Variants in RANBP2 observed in about 807,000 individuals in gnomAD.
The protein encoded by RANBP2 is RAN binding protein 2.
RANBP2 carries 57 observed loss-of-function variants against 303.6 expected under a neutral mutation model. The ratio of observed to expected loss-of-function variants is 0.19; its 90% CI spans 0.15 to 0.23. RANBP2 has a LOEUF of 0.23. Among genes scored for constraint, RANBP2 ranks in the 10% least tolerant of loss-of-function variants. The pLI is 1.00. For missense variants in RANBP2, 3,138 were observed against 3,780.8 expected, an observed-to-expected ratio of 0.83 and a Z score of 4.46; for synonymous variants, 1,167 against 1,301.5, an observed-to-expected ratio of 0.90 and a Z score of 2.23.
chr2:109,523,498 C>G, the RANBP2 span, among the ~76,000 whole-genome samples: 1 of 152,152 alleles, frequency 6.6e-6, no homozygotes, highest in African/African-American at 2.4e-5. Flanking sequence ...CAAGATGTGC[C>G]GTGATACACA....
At chr2:109,025,577 G>A in the RANBP2 span, among the ~76,000 whole-genome samples, 1 of 152,182 alleles carries the variant, frequency 6.6e-6, no homozygotes, top group Non-Finnish European at 1.5e-5. Flanking sequence ...GGAGGCTGAG[G>A]CTGGCAGATC....
chr2:109,010,630 C>T, the RANBP2 span, among the ~76,000 whole-genome samples: 126 of 152,250 alleles, frequency 8.3e-4, no homozygotes, highest in Non-Finnish European at 1.6e-3. Flanking sequence ...CTCTAATGAC[C>T]TCATCCAAAC....
chr2:109,670,680 A>G, the RANBP2 span, among the ~76,000 whole-genome samples: 3 of 152,224 alleles, frequency 2.0e-5, no homozygotes, highest in African/African-American at 7.2e-5. Flanking sequence ...TTTCCATGGG[A>G]ATCCTGAGCA....
At chr2:109,216,369 A>G in the RANBP2 span, among the ~76,000 whole-genome samples, 1 of 152,208 alleles carries the variant, frequency 6.6e-6, no homozygotes, top group Non-Finnish European at 1.5e-5. Context: ...CATATCATTT[A>G]TTTAGCTCCA....
the RANBP2 span, among the ~76,000 whole-genome samples, chr2:109,363,397 C>T: frequency 6.6e-6 from 1 of 152,096 alleles, no homozygotes; most frequent in African/African-American, 2.4e-5. Context: ...TGGTGTGATT[C>T]ATTTCTCTTG....
the RANBP2 span, among the ~76,000 whole-genome samples, chr2:109,288,663 C>G: frequency 6.6e-6 from 1 of 152,186 alleles, no homozygotes; most frequent in Admixed American, 6.5e-5. Context: ...TCTTTTCACT[C>G]AATTACGTTT....
chr2:109,169,913 TATTG>T, the RANBP2 span, among the ~76,000 whole-genome samples: 1 of 152,156 alleles, frequency 6.6e-6, no homozygotes, highest in Non-Finnish European at 1.5e-5. Flanking sequence ...AGGTGCTTTA[TATTG>T]AAGTGCAGAA....
chr2:109,556,739 T>C, the RANBP2 span, among the ~76,000 whole-genome samples: 1 of 152,116 alleles, frequency 6.6e-6, no homozygotes, highest in African/African-American at 2.4e-5. Context: ...TAGTCCAACA[T>C]GACTGATAGT....
At chr2:109,465,968 C>T in the RANBP2 span, among the ~76,000 whole-genome samples, 115 of 151,528 alleles carry the variant, frequency 7.6e-4, no homozygotes, top group Non-Finnish European at 1.1e-3. Flanking sequence ...CCTCTAACAC[C>T]GGGGATTACA....
the RANBP2 span, among the ~76,000 whole-genome samples, chr2:109,372,167 T>A: frequency 6.6e-6 from 1 of 152,242 alleles, no homozygotes; most frequent in South Asian, 2.1e-4. Context: ...CTCTTCTGCC[T>A]GAGAGGCACC....
the RANBP2 span, among the ~76,000 whole-genome samples, chr2:109,113,221 G>A: frequency 6.6e-6 from 1 of 152,190 alleles, no homozygotes; most frequent in Admixed American, 6.5e-5. Flanking sequence ...AAATTACCTT[G>A]GGCAGTATGG....
At chr2:109,474,490 G>T in the RANBP2 span, among the ~76,000 whole-genome samples, 2 of 152,180 alleles carry the variant, frequency 1.3e-5, no homozygotes, top group Non-Finnish European at 2.9e-5. Flanking sequence ...TGATCCCTGG[G>T]GACAGGCGGC....
chr2:109,078,753 C>T, the RANBP2 span, among the ~76,000 whole-genome samples: 6 of 138,156 alleles, frequency 4.3e-5, no homozygotes, highest in South Asian at 2.3e-4. Flanking sequence ...GAGGCCAAGG[C>T]GGGCAGATCA....
chr2:109,144,398 A>G, the RANBP2 span, among the ~76,000 whole-genome samples: 1 of 152,246 alleles, frequency 6.6e-6, no homozygotes, highest in Non-Finnish European at 1.5e-5. Context: ...GCCTCAAGTC[A>G]TAGAACAAGC....
At chr2:109,170,546 A>G in the RANBP2 span, among the ~76,000 whole-genome samples, 145 of 151,934 alleles carry the variant, frequency 9.5e-4, 1 homozygote, top group South Asian at 0.012. Context: ...GGGTTTCACT[A>G]TGTTGGCCAG....
At chr2:109,623,282 G>A in the RANBP2 span, among the ~76,000 whole-genome samples, 19 of 152,054 alleles carry the variant, frequency 1.2e-4, no homozygotes, top group South Asian at 1.5e-3. Context: ...ACCCACCCCC[G>A]GCCACTTGTC....
the RANBP2 span, among the ~76,000 whole-genome samples, chr2:108,830,532 A>C: frequency 6.6e-6 from 1 of 152,150 alleles, no homozygotes; most frequent in Non-Finnish European, 1.5e-5. Context: ...CAGAAACCAA[A>C]GGCATGGCTC....
At chr2:109,283,341 C>A in the RANBP2 span, among the ~76,000 whole-genome samples, 2 of 152,214 alleles carry the variant, frequency 1.3e-5, no homozygotes, top group African/African-American at 4.8e-5. Flanking sequence ...TCCTTCCTTG[C>A]CACCCCATTG....
the RANBP2 span, among the ~76,000 whole-genome samples, chr2:109,343,014 C>T: frequency 6.6e-6 from 1 of 152,126 alleles, no homozygotes; most frequent in Non-Finnish European, 1.5e-5. Flanking sequence ...AATGGAATTC[C>T]TCTGAAGGGG....
Sources: gnomAD v4.1 joint callset for allele counts (sites outside exome capture counted in the v4.1 genomes callset) on GRCh38, gnomAD v4.1.1 for gene constraint, MANE v1.5 for transcripts, NCBI Gene and HGNC (gene_info 2026-07-23, HGNC 2026-07-21) for gene names.